ERMP1: variants seen among roughly 807,000 people sequenced by gnomAD.
The protein encoded by ERMP1 is Felix-ina.
In ERMP1, 86 loss-of-function variants were observed where a neutral mutation model predicts 92.0. The observed-to-expected ratio is 0.93, with a 90% confidence interval of 0.79 to 1.12. The LOEUF is 1.12. Among genes scored for constraint, ERMP1 ranks in the 50% most tolerant of loss-of-function variants. The pLI, the probability that ERMP1 is intolerant of heterozygous loss-of-function variation, is 0.00. For missense variants in ERMP1, 1,342 were observed against 1,116.3 expected, an observed-to-expected ratio of 1.20 and a Z score of -2.88; for synonymous variants, 530 against 412.8, an observed-to-expected ratio of 1.28 and a Z score of -3.44.
rs1200916544 is a variant in ERMP1, at chr9:5,805,144, G to C, written c.1797C>G (p.Ile599Met). The change falls in exon 10 of 15, where the codon ATC becomes ATG. Residue 599 changes from isoleucine (I) to methionine (M), a missense_variant. Physicochemically the swap from Ile to Met is conservative, Grantham distance 10. Transcript: ENST00000339450. ...GGGTAAACATCTCAAATACTGCCCA[G>C]ATGAGGTACAATGCATAAAGATAAG... ...FIPYLYALYL[I>M]WAVFEMFTPI... 1 of 1,613,240 alleles carries C rather than the reference G, an allele frequency of 6.2e-7. No homozygotes were observed. The highest frequency in any genetic ancestry group is 2.2e-5 in the East Asian group (1 of 44,848).
At chr9:5,861,862 C>A (rs1405676589) in intron 5 of ERMP1, among the ~76,000 whole-genome samples, 1 of 151,360 alleles carries the variant, frequency 6.6e-6, no homozygotes, top group Admixed American at 6.6e-5. Context: ...TGGCTCCTGG[C>A]CCTTCTCTTT....
chr9:5,787,772 T>C (rs1586758800), intron 13 of ERMP1, among the ~76,000 whole-genome samples, 179 bp from the exon 14 acceptor site: 1 of 152,288 alleles, frequency 6.6e-6, no homozygotes, highest in East Asian at 1.9e-4. Flanking sequence ...GGTTAAATAA[T>C]GAGGTACAGG....
upstream of ERMP1, among the ~76,000 whole-genome samples, chr9:5,833,341 G>C (rs763200827): frequency 3.3e-5 from 5 of 152,162 alleles, no homozygotes; most frequent in Admixed American, 1.3e-4. Flanking sequence ...AAAAATGAGA[G>C]ATCGCTTTTG....
In ERMP1 at chr9:5,798,901, G is replaced by A. The variant is rs769106812; in HGVS notation, c.2175C>T (p.His725=). Reference sequence around the variant, plus strand: ...GGATACTATCATTGATCTCAGGAATGTGAGGGGTTATGTGAGAAATTCCAG... The same window carrying A: ...GGATACTATCATTGATCTCAGGAATATGAGGGGTTATGTGAGAAATTCCAG... The part of the protein sequence containing the change: ...DYTGISHITP[H]IPEINDSIRA... Residue 725 remains histidine (H), a synonymous_variant, in exon 12 of 15, where the codon CAC becomes CAT. Transcript: ENST00000339450. 46 of 1,612,582 alleles carry A rather than the reference G, an allele frequency of 2.9e-5. No individual in the cohort carries two copies. Among genetic ancestry groups the A allele is most frequent in the Non-Finnish European group, 3.9e-5 (46 of 1,178,702 alleles).
intron 10 of ERMP1, among the ~76,000 whole-genome samples, chr9:5,803,298 A>G (rs745995261): frequency 3.3e-5 from 5 of 152,234 alleles, no homozygotes; most frequent in Non-Finnish European, 5.9e-5. Flanking sequence ...GCTATTTCAC[A>G]TTATAATGAA....
At chr9:5,858,178 A>C (rs1312199837) in intron 6 of ERMP1, among the ~76,000 whole-genome samples, 1 of 152,236 alleles carries the variant, frequency 6.6e-6, no homozygotes, top group African/African-American at 2.4e-5. Context: ...AGCTTTCTGG[A>C]GGCAAGAAAG....
chr9:5,856,283 T>A, intron 6 of ERMP1: 1 of 264,574 alleles, frequency 3.8e-6, no homozygotes, highest in South Asian at 4.5e-5. Flanking sequence ...TGTTCTCTGT[T>A]TATTGTTTTG....
intron 2 of ERMP1, among the ~76,000 whole-genome samples, chr9:5,827,791 T>C (rs1013828417): frequency 6.7e-6 from 1 of 148,830 alleles, no homozygotes; most frequent in East Asian, 2.0e-4. Context: ...CAGTCTGGCG[T>C]GGGCGAGAGC....
chr9:5,823,696 T>C (rs1829628059), intron 4 of ERMP1, among the ~76,000 whole-genome samples, 200 bp downstream of exon 4: 2 of 150,998 alleles, frequency 1.3e-5, no homozygotes, highest in Admixed American at 1.3e-4. Flanking sequence ...ACTTGGCATA[T>C]AATAAGCACT....
rs1829688499 is a variant in ERMP1, at chr9:5,825,210, T to C, written c.650A>G (p.Asp217Gly). The stretch of plus-strand genomic sequence containing the variant: ...CATCACTGAGCAGCTAACTGCATCA[T>C]CACTGGCACCTTCAAATCAGAAAAA... ...DSVANSPGAS[D>G]DAVSCSVMLE... The change falls in exon 3 of 15, where the codon GAT (aspartate) becomes GGT (glycine). Residue 217 changes from aspartate (D) to glycine (G), a missense_variant. Physicochemically the swap from Asp to Gly is moderately conservative, Grantham distance 94. Transcript: ENST00000339450. The C allele has an allele frequency of 6.2e-7, 1 of 1,609,924 alleles. No individual in the cohort carries two copies. Among genetic ancestry groups the C allele is most frequent in the Non-Finnish European group, 8.5e-7 (1 of 1,179,024 alleles).
chr9:5,790,611 T>C (rs1828149029), intron 13 of ERMP1, among the ~76,000 whole-genome samples: 1 of 152,184 alleles, frequency 6.6e-6, no homozygotes, highest in African/African-American at 2.4e-5. Flanking sequence ...GTGGAAATTG[T>C]TTAAAAGTCC....
intron 5 of ERMP1, 35 bp downstream of exon 5, chr9:5,812,854 T>C (rs895883075): frequency 1.9e-6 from 3 of 1,613,054 alleles, no homozygotes; most frequent in Non-Finnish European, 2.5e-6. Context: ...GATAAATAAA[T>C]GCTGCACAGT....
intron 2 of ERMP1, among the ~76,000 whole-genome samples, chr9:5,829,464 C>T (rs985704912): frequency 1.3e-5 from 2 of 152,074 alleles, no homozygotes; most frequent in Non-Finnish European, 2.9e-5. Flanking sequence ...TTCGAGTAAT[C>T]CAGAAGTGTT....
chr9:5,845,107 G>T (rs939411974), intron 6 of ERMP1, among the ~76,000 whole-genome samples: 1 of 150,782 alleles, frequency 6.6e-6, no homozygotes, highest in Non-Finnish European at 1.5e-5. Context: ...TTGAATCATC[G>T]TGTTTTGTTT....
At chr9:5,841,843 T>A (rs1830167093) in intron 6 of ERMP1, among the ~76,000 whole-genome samples, 2 of 152,152 alleles carry the variant, frequency 1.3e-5, no homozygotes, top group South Asian at 4.1e-4. Context: ...GTGTGACAGT[T>A]CTTAAAGATG....
chr9:5,845,334 G>A (rs946964910), intron 6 of ERMP1, among the ~76,000 whole-genome samples: 1 of 152,034 alleles, frequency 6.6e-6, no homozygotes, highest in African/African-American at 2.4e-5. Context: ...AGGCCAAGGC[G>A]GGAGGATCAC....
chr9:5,812,160 G>A lies in ERMP1; in HGVS notation c.1079C>T (p.Ala360Val), dbSNP rs755097681. The A allele has an allele frequency of 1.1e-5, 17 of 1,609,984 alleles. No individual in the cohort carries two copies. The highest frequency in any genetic ancestry group is 1.7e-4 in the Middle Eastern group (1 of 6,048). The change falls in exon 6 of 15, where the codon GCG becomes GTG. Residue 360 changes from alanine to valine, a missense_variant. By Grantham distance (64) the Ala-to-Val change is moderately conservative. Transcript: ENST00000339450. ...GYIYHTKYDT[A>V]DRILTDSIQR... ...AATGGAATCTGTTAGAATTCTGTCC[G>A]CTGTGTCATACTTGGTGTGATAAAT...
chr9:5,795,554 C>T (rs1017302164), intron 13 of ERMP1, among the ~76,000 whole-genome samples: 15 of 152,116 alleles, frequency 9.9e-5, no homozygotes, highest in Non-Finnish European at 1.8e-4. Flanking sequence ...CTGAGGCAGG[C>T]GGATCACAAG....
intron 11 of ERMP1, among the ~76,000 whole-genome samples, chr9:5,800,600 G>A (rs368703252): frequency 2.0e-4 from 30 of 152,156 alleles, no homozygotes; most frequent in South Asian, 8.3e-4. Flanking sequence ...CACTTGAACC[G>A]AGGGGGCAGA....
Sources: gnomAD v4.1 joint callset for allele counts (sites outside exome capture counted in the v4.1 genomes callset) on GRCh38, gnomAD v4.1.1 for gene constraint, MANE v1.5 for transcripts, NCBI Gene and HGNC (gene_info 2026-07-23, HGNC 2026-07-21) for gene names.